The following KIAA1958 variants were observed in gnomAD, a reference collection of about 807,000 sequenced individuals.
The protein encoded by KIAA1958 is uncharacterized protein KIAA1958.
Under a neutral mutation model 47.2 loss-of-function variants are expected in KIAA1958, and 14 were observed. That is an observed-to-expected ratio of 0.30 (90% CI 0.20 to 0.46). The LOEUF (loss-of-function observed/expected upper bound fraction) is 0.46. Ranked by LOEUF, KIAA1958 falls within the 20% of genes least tolerant of loss-of-function variation. The pLI is 1.00. For synonymous variants in KIAA1958, 354 were observed against 353.3 expected (o/e 1.00, Z -0.02); for missense variants, 803 against 909.2 (o/e 0.88, Z 1.50).
chr9:112,574,929 G>A lies in KIAA1958; in HGVS notation c.849G>A (p.Lys283=), dbSNP rs778662993. 28 of 1,613,910 alleles carry A rather than the reference G, an allele frequency of 1.7e-5. No homozygotes were observed. The South Asian group carries it at 3.0e-4, about 17-fold the overall frequency. The change falls in exon 2 of 4, where the codon AAG becomes AAA. Residue 283 remains lysine (K), a synonymous_variant. Transcript: ENST00000337530. The stretch of plus-strand genomic sequence containing the variant: ...TGATCTCCAGACCAATTGTCCAGAA[G>A]ACTGCTAGGGTATCTCTGGCTTCAC... The part of the protein sequence containing the change: ...PSVISRPIVQ[K]TARVSLASPN...
At chr9:112,651,908 T>C (rs1437355360) in intron 3 of KIAA1958, among the ~76,000 whole-genome samples, 1 of 152,172 alleles carries the variant, frequency 6.6e-6, no homozygotes, top group African/African-American at 2.4e-5. Context: ...TTTAAATGCT[T>C]ATCAAAGAAG....
rs1191465261 is a variant in KIAA1958 at position 112,668,614 on chromosome 9, C to T, written c.*8545C>T. ...GCTCTGATGCTCAGTTTCTTCCTGG[C>T]AATAGAATGGTTTTATCTGTGCCCC... is the stretch of plus-strand genomic sequence containing the variant. On this transcript the variant is annotated 3_prime_UTR_variant, in exon 4 of 4. Coordinates refer to ENST00000337530, the MANE Select transcript of KIAA1958 (RefSeq NM_133465.4). 6.6e-6 allele frequency: 1 copy of T among 152,152 alleles called. No individual in the cohort carries two copies. Among genetic ancestry groups the T allele is most frequent in the African/African-American group, 2.4e-5 (1 of 41,432 alleles). 9.4% of individuals were successfully genotyped at this position (152,152 alleles called of 1,614,324 possible).
intron 2 of KIAA1958, among the ~76,000 whole-genome samples, chr9:112,626,231 T>G (rs773978013): frequency 1.3e-5 from 2 of 152,202 alleles, no homozygotes; most frequent in Non-Finnish European, 2.9e-5. Flanking sequence ...TATTTGTATT[T>G]CTCATCTTGC....
chr9:112,490,741 T>C (rs891825621), intron 1 of KIAA1958, among the ~76,000 whole-genome samples: 1 of 152,248 alleles, frequency 6.6e-6, no homozygotes, highest in Non-Finnish European at 1.5e-5. Flanking sequence ...AAGTTTGTTT[T>C]GCAAAGTCTT....
At chr9:112,633,779 T>C (rs2131232172) in intron 2 of KIAA1958, among the ~76,000 whole-genome samples, 1 of 152,330 alleles carries the variant, frequency 6.6e-6, no homozygotes, top group Middle Eastern at 3.4e-3. Context: ...TCCATGCTTT[T>C]GTATACAGTT....
rs1358717653 is a variant in KIAA1958, at chr9:112,662,471, C to T, written c.*2402C>T. On this transcript the variant is annotated 3_prime_UTR_variant, in exon 4 of 4. Transcript: ENST00000337530. ...ATAAGTGTTTACACACACACACGCACAATATGTGGTTAAGCCTGGTAAGCC... is the reference window on the plus strand; with the variant it reads ...ATAAGTGTTTACACACACACACGCATAATATGTGGTTAAGCCTGGTAAGCC... 6.6e-6 allele frequency: 1 copy of T among 152,272 alleles called. No homozygotes were observed. The highest frequency in any genetic ancestry group is 1.5e-5 in the Non-Finnish European group (1 of 68,088). 9.4% of individuals were successfully genotyped at this position (152,272 alleles called of 1,614,324 possible).
intron 1 of KIAA1958, among the ~76,000 whole-genome samples, chr9:112,564,169 C>T (rs1317759801): frequency 6.6e-6 from 1 of 152,146 alleles, no homozygotes; most frequent in African/African-American, 2.4e-5. Context: ...GAAGTGCTTT[C>T]TCTTCCCCCT....
intron 1 of KIAA1958, among the ~76,000 whole-genome samples, chr9:112,503,460 C>G (rs1314106183): frequency 1.3e-5 from 2 of 151,642 alleles, no homozygotes; most frequent in Non-Finnish European, 2.9e-5. Flanking sequence ...TTGAGACCAG[C>G]TGGGAAACAA....
At chr9:112,626,914 G>A (rs367814863) in intron 2 of KIAA1958, among the ~76,000 whole-genome samples, 1 of 152,006 alleles carries the variant, frequency 6.6e-6, no homozygotes, top group African/African-American at 2.4e-5. Flanking sequence ...GTTGTTACAG[G>A]TGCTCTTTCA....
In KIAA1958 at chr9:112,667,215, A is replaced by G. The variant is rs1298786721; in HGVS notation, c.*7146A>G. The G allele has an allele frequency of 6.6e-6, 1 of 152,214 alleles. No individual in the cohort carries two copies. The highest frequency in any genetic ancestry group is 6.5e-5 in the Admixed American group (1 of 15,284). The allele number at this position is 152,214 out of a possible 1,614,324, so 9.4% of individuals were successfully genotyped here. On this transcript the variant is annotated 3_prime_UTR_variant, in exon 4 of 4. Transcript: ENST00000337530. ...AGGGATTCAACAAACATTCACATGA[A>G]CAGGGTCTGGGAAGAAAGGACCACG...
chr9:112,492,315 ATG>A (rs1833984216), intron 1 of KIAA1958, among the ~76,000 whole-genome samples: 2 of 152,146 alleles, frequency 1.3e-5, no homozygotes, highest in Non-Finnish European at 2.9e-5. Context: ...CCCTCTGTGT[ATG>A]TGTGTGTCCT....
At chr9:112,499,545 C>T (rs1834098365) in intron 1 of KIAA1958, among the ~76,000 whole-genome samples, 1 of 151,756 alleles carries the variant, frequency 6.6e-6, no homozygotes, top group South Asian at 2.1e-4. Flanking sequence ...AATATTCTGC[C>T]TATGATAATA....
At position 112,545,918 on chromosome 9, in the gene KIAA1958, T is replaced by C. The variant is rs116582817; in HGVS notation, c.-24-28139T>C. ...TATTGATTTGGATATTATTGATGTA[T>C]GAAATACATAAACTTGTCAGATGCT... On this transcript the variant is annotated intron_variant, in intron 1 of 3. Transcript: ENST00000337530. Among the ~76,000 whole-genome samples the C allele has an allele frequency of 2.8e-3, 425 of 151,636 alleles. 3 individuals carry two copies. Among genetic ancestry groups the C allele is most frequent in the African/African-American group, 9.8e-3 (404 of 41,346 alleles).
chr9:112,523,590 G>A lies in KIAA1958; in HGVS notation c.-25+36472G>A, dbSNP rs545411391. On this transcript the variant is annotated intron_variant, in intron 1 of 3. Transcript: ENST00000337530. ...CTTGTTTTATGCTTTTGAAAGTCCT[G>A]GGAAGAATAATCCTGAATTGGACTC... Among the ~76,000 whole-genome samples the A allele has an allele frequency of 5.9e-5, 9 of 152,288 alleles. No homozygotes were observed. The South Asian group carries it at 1.9e-3, about 32-fold the overall frequency.
intron 2 of KIAA1958, among the ~76,000 whole-genome samples, chr9:112,637,977 C>T (rs1351438130): frequency 6.6e-6 from 1 of 152,124 alleles, no homozygotes; most frequent in African/African-American, 2.4e-5. Context: ...GGCGAAACCT[C>T]GTCTCTAATA....
At position 112,634,717 on chromosome 9, in the gene KIAA1958, C is replaced by T. The variant is rs117102340; in HGVS notation, c.1172-10933C>T. ...CATCTTCTGCCACTGTGTGGCTTGC[C>T]TTTTCACCTCTTAATGCTGCATTGT... On this transcript the variant is annotated intron_variant, in intron 2 of 3. Transcript: ENST00000337530. Among the ~76,000 whole-genome samples, 1,335 of 152,270 alleles carry T rather than the reference C, an allele frequency of 8.8e-3. 12 individuals are homozygous for T. Among genetic ancestry groups the T allele is most frequent in the East Asian group, 0.043 (222 of 5,192 alleles).
chr9:112,646,653 C>T (rs1024625423), intron 3 of KIAA1958, among the ~76,000 whole-genome samples: 19 of 152,148 alleles, frequency 1.2e-4, no homozygotes, highest in Non-Finnish European at 2.2e-4. Flanking sequence ...AGGAGGATTG[C>T]GTGAACCCAA....
chr9:112,522,323 T>C (rs961603206), intron 1 of KIAA1958, among the ~76,000 whole-genome samples: 1 of 152,246 alleles, frequency 6.6e-6, no homozygotes, highest in South Asian at 2.1e-4. Flanking sequence ...TATCCTCTAG[T>C]ATTTCATGCT....
chr9:112,507,370 A>C (rs1834250231), intron 1 of KIAA1958, among the ~76,000 whole-genome samples: 1 of 152,226 alleles, frequency 6.6e-6, no homozygotes, highest in South Asian at 2.1e-4. Context: ...TCTTTTTAAG[A>C]GACAAGTTTT....
Sources: allele counts gnomAD v4.1 joint callset (sites outside exome capture counted in the v4.1 genomes callset), GRCh38; gene constraint gnomAD v4.1.1; transcripts MANE v1.5; gene names NCBI Gene and HGNC (gene_info 2026-07-23, HGNC 2026-07-21).